Variants in MTG1 observed in about 807,000 individuals in gnomAD.
The protein encoded by MTG1 is mitochondrial ribosome associated GTPase 1.
In MTG1, 30 loss-of-function variants were observed where a neutral mutation model predicts 39.5. The ratio of observed to expected loss-of-function variants is 0.76; its 90% CI spans 0.57 to 1.03. The LOEUF is 1.03. Ranked by LOEUF, MTG1 falls within the 50% of genes least tolerant of loss-of-function variation. MTG1 has a pLI of 0.00. For missense variants in MTG1, 513 were observed against 447.4 expected (o/e 1.15, Z -1.32); for synonymous variants, 217 against 179.0 (o/e 1.21, Z -1.69).
chr10:133,397,730 G>A (rs888839134), intron 3 of MTG1, among the ~76,000 whole-genome samples: 60 of 150,638 alleles, frequency 4.0e-4, no homozygotes, highest in African/African-American at 1.3e-3. Context: ...CGCCCGCCTC[G>A]GCCTCCCAAA....
At chr10:133,397,795 T>A (rs980578504) in intron 3 of MTG1, among the ~76,000 whole-genome samples, 40 of 151,330 alleles carry the variant, frequency 2.6e-4, no homozygotes, top group Non-Finnish European at 4.6e-4. Context: ...TTTTTTTTTT[T>A]AAATCATCGC....
Position 133,402,026 on chromosome 10 carries a change from G to A in MTG1, c.574-123G>A. 1 of 1,054,560 alleles carries A rather than the reference G, an allele frequency of 9.5e-7. No homozygotes were observed. The highest frequency in any genetic ancestry group is 2.4e-5 in the East Asian group (1 of 41,860). 65.3% of individuals were successfully genotyped at this position (1,054,560 alleles called of 1,614,324 possible). On this transcript the variant is annotated intron_variant, in intron 7 of 10. Transcript: ENST00000317502. The surrounding 1 kb of genome is among the most constrained non-coding windows in gnomAD (Gnocchi z 4.7). ...GCTTGGTGAGAGTGACGCTGCCATGGGGTTGGGTCCCTGAGGCCTTCCTCG... is the reference window on the plus strand; with the variant it reads ...GCTTGGTGAGAGTGACGCTGCCATGAGGTTGGGTCCCTGAGGCCTTCCTCG...
Position 133,422,165 on chromosome 10 carries a change from G to C in MTG1, c.*2000G>C, listed in dbSNP as rs898912422. ...CTCTTGCATGGGTGTCCTGCTGGGC[G>C]CTGGGCCCCGCCACTGGCCCCCTGC... On this transcript the variant is annotated 3_prime_UTR_variant, in exon 11 of 11. Transcript: ENST00000317502. 2 of 152,578 alleles carry C rather than the reference G, an allele frequency of 1.3e-5. No individual in the cohort carries two copies. The highest frequency in any genetic ancestry group is 2.9e-5 in the Non-Finnish European group (2 of 68,314). 9.5% of individuals were successfully genotyped at this position (152,578 alleles called of 1,614,324 possible). A position where few individuals can be genotyped will look rare whatever the true frequency, so the allele number is the denominator to read the frequency against.
At chr10:133,412,285 C>G (rs571908185) in intron 9 of MTG1, among the ~76,000 whole-genome samples, 2 of 152,182 alleles carry the variant, frequency 1.3e-5, no homozygotes, top group African/African-American at 2.4e-5. Context: ...ATTAACTCTT[C>G]GCTATTTTTG....
In MTG1 at chr10:133,420,368, C is replaced by A; in HGVS notation, c.*203C>A. 1 of 544,210 alleles carries A rather than the reference C, an allele frequency of 1.8e-6. No homozygotes were observed. Among genetic ancestry groups the A allele is most frequent in the Non-Finnish European group, 3.1e-6 (1 of 321,946 alleles). The allele number at this position is 544,210 out of a possible 1,614,324, so 33.7% of individuals were successfully genotyped here. A position where few individuals can be genotyped will look rare whatever the true frequency, so the allele number is the denominator to read the frequency against. On this transcript the variant is annotated 3_prime_UTR_variant, in exon 11 of 11. Coordinates refer to ENST00000317502, the MANE Select transcript of MTG1 (RefSeq NM_138384.4). ...AGGTGGGAGTGGACACCAGGCTTCC[C>A]AGTGGACGTCCCTGAGCAGCTCCGC...
At chr10:133,395,341 G>C (rs369037395) in intron 1 of MTG1, among the ~76,000 whole-genome samples, 1 of 152,232 alleles carries the variant, frequency 6.6e-6, no homozygotes, top group Non-Finnish European at 1.5e-5. Flanking sequence ...GTTGCAGTGA[G>C]CCGAGATCGT....
At chr10:133,412,825 C>T (rs576457795) in intron 9 of MTG1, among the ~76,000 whole-genome samples, 76 of 152,154 alleles carry the variant, frequency 5.0e-4, no homozygotes, top group South Asian at 2.9e-3. Context: ...GATTTCCATT[C>T]GATGTTTATT....
chr10:133,394,178 A>G lies in MTG1; in HGVS notation c.-43A>G, dbSNP rs934415647. On this transcript the variant is annotated 5_prime_UTR_variant, in exon 1 of 11. Transcript: ENST00000317502. ...CCTCAGAGGCGGGTCGCAGCGGCGC[A>G]GAGGAGGTCAGCTGCGGGAGCGTTT... 1.4e-6 allele frequency: 2 copies of G among 1,428,756 alleles called. No homozygotes were observed. Among genetic ancestry groups the G allele is most frequent in the African/African-American group, 1.5e-5 (1 of 67,344 alleles). 88.5% of individuals were successfully genotyped at this position (1,428,756 alleles called of 1,614,324 possible). A position where few individuals can be genotyped will look rare whatever the true frequency, so the allele number is the denominator to read the frequency against.
rs752925185 is a variant in MTG1, at chr10:133,405,290, A to G, written c.752+2517A>G. On this transcript the variant is annotated intron_variant, in intron 9 of 10. Coordinates refer to ENST00000317502, the MANE Select transcript of MTG1 (RefSeq NM_138384.4). ...AGATTTATCTTTTGATACAAAGTAG[A>G]TGTTTTCAGGGTACCTATGATATTT... is the stretch of plus-strand genomic sequence containing the variant. 2.0e-5 allele frequency among the ~76,000 whole-genome samples: 3 copies of G among 152,210 alleles called. No homozygotes were observed. The South Asian group carries it at 6.2e-4, about 32-fold the overall frequency.
intron 9 of MTG1, among the ~76,000 whole-genome samples, chr10:133,417,289 C>T (rs1162834355): frequency 3.3e-5 from 5 of 151,708 alleles, no homozygotes; most frequent in African/African-American, 7.3e-5. Context: ...ACATGATTAT[C>T]TCAATAGATG....
chr10:133,419,391 T>G, intron 9 of MTG1, 89 bp from the exon 10 acceptor site: 5 of 1,096,272 alleles, frequency 4.6e-6, no homozygotes, highest in Non-Finnish European at 6.6e-6. Flanking sequence ...GCCGTGGCCT[T>G]TGTGGCATTC....
At chr10:133,401,458 C>T (rs979029035) in intron 6 of MTG1, 71 bp from the exon 7 acceptor site, 7 of 1,338,666 alleles carry the variant, frequency 5.2e-6, no homozygotes, top group African/African-American at 2.9e-5. Context: ...TTGTTACATA[C>T]GTCTCCCTAC....
At chr10:133,396,489 G>A (rs1447023827) in intron 3 of MTG1, among the ~76,000 whole-genome samples, 2 of 152,180 alleles carry the variant, frequency 1.3e-5, no homozygotes, top group African/African-American at 2.4e-5. Flanking sequence ...GGGAGTGCAC[G>A]TCTCCTGTGG....
rs1233726054 is a variant in MTG1 at position 133,402,906 on chromosome 10, G to GTCC, written c.752+134_752+136dup. The stretch of plus-strand genomic sequence containing the variant: ...CGGTAACCTGCACATCGTTTAAAGC[G>GTCC]TCCAGTTGGACAAGTTCGGGAGTAT... On this transcript the variant is annotated intron_variant, in intron 9 of 10. Transcript: ENST00000317502. The surrounding 1 kb of genome is among the most constrained non-coding windows in gnomAD (Gnocchi z 4.7). The GTCC allele has an allele frequency of 2.9e-6, 2 of 685,840 alleles. No homozygotes were observed. The highest frequency in any genetic ancestry group is 4.8e-6 in the Non-Finnish European group (2 of 414,760). The allele number at this position is 685,840 out of a possible 1,614,324, so 42.5% of individuals were successfully genotyped here.
chr10:133,402,280 ACCGGGG>A lies in MTG1; in HGVS notation c.670+38_670+43del, dbSNP rs996727781. 1 of 1,585,822 alleles carries A rather than the reference ACCGGGG, an allele frequency of 6.3e-7. No individual in the cohort carries two copies. Among genetic ancestry groups the A allele is most frequent in the Non-Finnish European group, 8.6e-7 (1 of 1,159,966 alleles). ...GGCTGGGGCTGGGGCTGGGGCTGGG[ACCGGGG>A]CCCCTGCCACCCCACCTTTAGGGCT... On this transcript the variant is annotated intron_variant, in intron 8 of 10. Transcript: ENST00000317502. The surrounding 1 kb of genome is among the most constrained non-coding windows in gnomAD (Gnocchi z 4.7).
chr10:133,420,107 C>T lies in MTG1; in HGVS notation c.947C>T (p.Ser316Phe), dbSNP rs1850206966. The T allele has an allele frequency of 6.2e-7, 1 of 1,613,510 alleles. No homozygotes were observed. Among genetic ancestry groups the T allele is most frequent in the Non-Finnish European group, 8.5e-7 (1 of 1,179,802 alleles). The change falls in exon 11 of 11, where the codon TCC (serine) becomes TTC (phenylalanine). Residue 316 changes from serine to phenylalanine, a missense_variant. Transcript: ENST00000317502. ...LQTFRRGLLG[S>F]VMLDLDVLRG... ...ACTTTCCGCCGTGGGCTGCTGGGTT[C>T]CGTGATGCTGGACCTCGACGTCCTG... is the stretch of plus-strand genomic sequence containing the variant.
In MTG1 at chr10:133,394,202, T is replaced by G. The variant is rs766854026; in HGVS notation, c.-19T>G. 6.6e-7 allele frequency: 1 copy of G among 1,505,814 alleles called. No individual in the cohort carries two copies. The highest frequency in any genetic ancestry group is 8.8e-7 in the Non-Finnish European group (1 of 1,130,264). 93.3% of individuals were successfully genotyped at this position (1,505,814 alleles called of 1,614,324 possible). On this transcript the variant is annotated 5_prime_UTR_variant, in exon 1 of 11. Transcript: ENST00000317502. ...CAGAGGAGGTCAGCTGCGGGAGCGTTTCCGGGGACGGTGCCGCCATGAGAT... is the reference window on the plus strand; with the variant it reads ...CAGAGGAGGTCAGCTGCGGGAGCGTGTCCGGGGACGGTGCCGCCATGAGAT...
chr10:133,406,340 T>C (rs1849970475), intron 9 of MTG1, among the ~76,000 whole-genome samples: 1 of 152,170 alleles, frequency 6.6e-6, no homozygotes, highest in Non-Finnish European at 1.5e-5. Context: ...CCGTCCAGGC[T>C]GAGTGCAGTG....
intron 9 of MTG1, among the ~76,000 whole-genome samples, chr10:133,403,333 C>G (rs1032328906): frequency 2.1e-5 from 2 of 96,280 alleles, no homozygotes; most frequent in African/African-American, 7.7e-5. Context: ...TTCGTGAAAT[C>G]AAGGAAATGA....
Sources: allele counts gnomAD v4.1 joint callset (sites outside exome capture counted in the v4.1 genomes callset), GRCh38; gene constraint gnomAD v4.1.1; non-coding constraint Gnocchi (gnomAD v3.1); transcripts MANE v1.5; gene names NCBI Gene and HGNC (gene_info 2026-07-23, HGNC 2026-07-21).